RBM47: variants seen among roughly 807,000 people sequenced by gnomAD.
RBM47 encodes RNA binding motif protein 47.
RBM47 carries 21 observed loss-of-function variants against 47.1 expected under a neutral mutation model. The observed-to-expected ratio is 0.45, with a 90% CI of 0.32 to 0.64. The LOEUF is 0.64. Among genes scored for constraint, RBM47 ranks in the 30% least tolerant of loss-of-function variants. The pLI is 0.05. For missense variants in RBM47, 708 were observed against 870.9 expected (o/e 0.81, Z 2.35); for synonymous variants, 375 against 361.7 (o/e 1.04, Z -0.42).
At chr4:40,502,574 G>C (rs562092451) in intron 2 of RBM47, among the ~76,000 whole-genome samples, 49 of 152,352 alleles carry the variant, frequency 3.2e-4, no homozygotes, top group African/African-American at 1.2e-3. Flanking sequence ...GCTGGGTGCA[G>C]TGGCTCAGGC....
intron 1 of RBM47, among the ~76,000 whole-genome samples, chr4:40,593,962 G>C (rs1217800616): frequency 6.6e-6 from 1 of 151,908 alleles, no homozygotes; most frequent in Non-Finnish European, 1.5e-5. Flanking sequence ...AGAGGCAGGA[G>C]AATCGATTGA....
At chr4:40,530,178 C>T (rs756040443) in intron 2 of RBM47, among the ~76,000 whole-genome samples, 1 of 151,822 alleles carries the variant, frequency 6.6e-6, no homozygotes, top group Non-Finnish European at 1.5e-5. Flanking sequence ...TCAGGTGATC[C>T]GCCCACCTTG....
At chr4:40,478,480 GAAGCCTGGGATGAGAT>G (rs936922556) in intron 2 of RBM47, among the ~76,000 whole-genome samples, 2 of 152,200 alleles carry the variant, frequency 1.3e-5, no homozygotes, top group African/African-American at 2.4e-5. Context: ...ACGCAAAACA[GAAGCCTGGGATGAGAT>G]AAGCTCTGAG....
In RBM47 at chr4:40,426,012, G is replaced by A; in HGVS notation, c.1674C>T (p.Asn558=). ...ATATIATLQK[N]AAAAAAMYGG... The stretch of plus-strand genomic sequence containing the variant: ...CATACATGGCGGCCGCGGCTGCCGC[G>A]TTCTTCTGTAGTGTGGCGATCGTGG... The change falls in exon 7 of 7, where the codon AAC becomes AAT. Residue 558 remains asparagine (N), a synonymous_variant. Coordinates refer to ENST00000295971, the MANE Select transcript of RBM47 (RefSeq NM_001098634.2). 1.9e-6 allele frequency: 3 copies of A among 1,614,198 alleles called. No homozygotes were observed. Among genetic ancestry groups the A allele is most frequent in the Non-Finnish European group, 2.5e-6 (3 of 1,180,038 alleles).
chr4:40,603,100 C>T, intron 1 of RBM47, among the ~76,000 whole-genome samples: 1 of 152,110 alleles, frequency 6.6e-6, no homozygotes, highest in East Asian at 1.9e-4. Flanking sequence ...AGTCAGCACC[C>T]CAGAAGTCCT....
At chr4:40,552,094 T>A (rs568930405) in intron 1 of RBM47, among the ~76,000 whole-genome samples, 3 of 152,036 alleles carry the variant, frequency 2.0e-5, no homozygotes, top group Non-Finnish European at 4.4e-5. Flanking sequence ...GCCCTAAGAC[T>A]TTTTTAAAGA....
intron 3 of RBM47, among the ~76,000 whole-genome samples, chr4:40,449,337 G>A (rs1715046783): frequency 6.6e-6 from 1 of 152,172 alleles, no homozygotes; most frequent in African/African-American, 2.4e-5. Context: ...AGGGAATAAT[G>A]ACATTCCGGG....
At chr4:40,569,008 T>C (rs907279878) in intron 1 of RBM47, among the ~76,000 whole-genome samples, 2 of 135,306 alleles carry the variant, frequency 1.5e-5, no homozygotes, top group South Asian at 2.3e-4. Context: ...GATAGATAGA[T>C]AGATAGATAG....
In RBM47 at chr4:40,552,815, T is replaced by C. The variant is rs539696192; in HGVS notation, c.-239-8309A>G. ...TTCTTAAACAAACCAGCTCATCCTC[T>C]TCTCCTGCCTTGGCACTCACTGTCG... On this transcript the variant is annotated intron_variant, in intron 1 of 6. Transcript: ENST00000295971. Among the ~76,000 whole-genome samples the C allele has an allele frequency of 1.0e-3, 154 of 152,298 alleles. 1 individual carries two copies. The highest frequency in any genetic ancestry group is 3.5e-3 in the African/African-American group (145 of 41,582).
chr4:40,477,499 G>A (rs1393421984), intron 2 of RBM47, among the ~76,000 whole-genome samples: 1 of 152,104 alleles, frequency 6.6e-6, no homozygotes, highest in African/African-American at 2.4e-5. Flanking sequence ...GACTACAAAT[G>A]GGACTCAGAA....
chr4:40,443,717 CAAAAAAAAAA>C (rs10581870), intron 3 of RBM47, among the ~76,000 whole-genome samples: 10 of 47,742 alleles, frequency 2.1e-4, no homozygotes, highest in South Asian at 1.4e-3. Context: ...AACTCCTTCT[CAAAAAAAAAA>C]AAAAAAAAAA....
Position 40,516,652 on chromosome 4 carries a change from T to C in RBM47, c.-155+27770A>G, listed in dbSNP as rs112908080. Among the ~76,000 whole-genome samples, 860 of 152,310 alleles carry C rather than the reference T, an allele frequency of 5.6e-3. 8 individuals carry two copies. The highest frequency in any genetic ancestry group is 0.019 in the African/African-American group (789 of 41,564). ...CAGGTATTATTATTATTCTCGAGAT[T>C]CAGAGATGCAGAAAGATCCAAAAAC... On this transcript the variant is annotated intron_variant, in intron 2 of 6. Transcript: ENST00000295971.
rs1190586080 is a variant in RBM47, at chr4:40,628,978, A to AC, written c.-240+417dup. Among the ~76,000 whole-genome samples the AC allele has an allele frequency of 2.0e-5, 3 of 150,638 alleles. No individual in the cohort carries two copies. The highest frequency in any genetic ancestry group is 4.4e-5 in the Non-Finnish European group (3 of 67,724). Reference sequence around the variant, plus strand: ...TTCAGACGTAAATTACTGCAGGAAGACCCCCCTCTGCCTTGGTTAACACTT... The same window carrying AC: ...TTCAGACGTAAATTACTGCAGGAAGACCCCCCCTCTGCCTTGGTTAACACTT... On this transcript the variant is annotated intron_variant, in intron 1 of 6. Coordinates refer to ENST00000295971, the MANE Select transcript of RBM47 (RefSeq NM_001098634.2). The surrounding 1 kb of genome is among the most constrained non-coding windows in gnomAD (Gnocchi z 4.0).
intron 3 of RBM47, among the ~76,000 whole-genome samples, chr4:40,444,603 T>G (rs1161110121): frequency 6.6e-6 from 1 of 152,000 alleles, no homozygotes; most frequent in African/African-American, 2.4e-5. Flanking sequence ...TTCTGCTTGC[T>G]ACGTATAATA....
chr4:40,592,098 T>TC (rs1371931733), intron 1 of RBM47, among the ~76,000 whole-genome samples: 2 of 152,172 alleles, frequency 1.3e-5, no homozygotes, highest in African/African-American at 2.4e-5. Context: ...TTTCCAGAAG[T>TC]CCACCATTTC....
intron 1 of RBM47, among the ~76,000 whole-genome samples, chr4:40,594,211 T>C (rs569632362): frequency 6.6e-6 from 1 of 152,202 alleles, no homozygotes; most frequent in South Asian, 2.1e-4. Flanking sequence ...ACAGAAAGCA[T>C]ATTCTGCTAT....
chr4:40,483,679 G>C (rs1192907447), intron 2 of RBM47, among the ~76,000 whole-genome samples: 1 of 152,144 alleles, frequency 6.6e-6, no homozygotes, highest in Non-Finnish European at 1.5e-5. Context: ...CTGGGTGACA[G>C]AGCAAGACTC....
At chr4:40,534,124 A>T (rs1296376577) in intron 2 of RBM47, among the ~76,000 whole-genome samples, 2 of 150,794 alleles carry the variant, frequency 1.3e-5, no homozygotes, top group Middle Eastern at 3.2e-3. Flanking sequence ...CGCCTGGCTA[A>T]TATTTTTTAA....
intron 2 of RBM47, among the ~76,000 whole-genome samples, chr4:40,500,866 A>C (rs1723265341): frequency 6.6e-6 from 1 of 152,162 alleles, no homozygotes; most frequent in South Asian, 2.1e-4. Context: ...TTCAGTAACA[A>C]ATCTATCACA....
Sources: gnomAD v4.1 joint callset for allele counts (sites outside exome capture counted in the v4.1 genomes callset) on GRCh38, gnomAD v4.1.1 for gene constraint, Gnocchi (gnomAD v3.1) non-coding constraint, MANE v1.5 for transcripts, NCBI Gene and HGNC (gene_info 2026-07-23, HGNC 2026-07-21) for gene names.